DNER: variants seen among roughly 807,000 people sequenced by gnomAD.
DNER encodes delta and Notch-like epidermal growth factor-related receptor.
DNER carries 33 observed loss-of-function variants against 78.2 expected under a neutral mutation model. That is an observed-to-expected ratio of 0.42 (90% CI 0.32 to 0.56). The LOEUF is 0.56. Ranked by LOEUF, DNER falls within the 20% of genes least tolerant of loss-of-function variation. The pLI is 0.11. For synonymous variants in DNER, 417 were observed against 384.8 expected, an observed-to-expected ratio of 1.08 and a Z score of -0.98; for missense variants, 918 against 975.3, an observed-to-expected ratio of 0.94 and a Z score of 0.78.
chr2:229,567,700 C>T (rs992880011), intron 4 of DNER, among the ~76,000 whole-genome samples: 3 of 152,146 alleles, frequency 2.0e-5, no homozygotes, highest in Admixed American at 1.3e-4. Flanking sequence ...ATGAACAATG[C>T]CACCGATCCT....
chr2:229,513,044 A>G, intron 5 of DNER, 108 bp from the exon 6 acceptor site: 1 of 1,214,576 alleles, frequency 8.2e-7, no homozygotes, highest in Non-Finnish European at 1.1e-6. Context: ...ATAATCAGCA[A>G]TTTAATCAAA....
At chr2:229,533,263 T>C (rs933275705) in intron 5 of DNER, among the ~76,000 whole-genome samples, 2 of 152,160 alleles carry the variant, frequency 1.3e-5, no homozygotes, top group Non-Finnish European at 2.9e-5. Flanking sequence ...CTCCGGGGAC[T>C]CCCTGAGATC....
At chr2:229,458,191 T>C (rs923486377) in intron 7 of DNER, among the ~76,000 whole-genome samples, 4 of 133,192 alleles carry the variant, frequency 3.0e-5, no homozygotes, top group Admixed American at 2.2e-4. Flanking sequence ...AAAGATACAT[T>C]GTGAAAAAGA....
chr2:229,381,462 G>C (rs770010476), intron 11 of DNER, among the ~76,000 whole-genome samples: 1 of 152,136 alleles, frequency 6.6e-6, no homozygotes, highest in African/African-American at 2.4e-5. Context: ...GCTGCAACCA[G>C]GGAGCCAAGT....
intron 1 of DNER, among the ~76,000 whole-genome samples, chr2:229,694,848 T>A (rs1174555198): frequency 6.6e-6 from 1 of 152,196 alleles, no homozygotes; most frequent in Non-Finnish European, 1.5e-5. Context: ...GTTAAGATTT[T>A]GGGGGACTGT....
intron 1 of DNER, among the ~76,000 whole-genome samples, chr2:229,702,478 G>T (rs1699761795): frequency 6.6e-6 from 1 of 152,078 alleles, no homozygotes; most frequent in South Asian, 2.1e-4. Flanking sequence ...TAAGGCTGCA[G>T]TAAGCCATGA....
At chr2:229,407,114 T>G (rs1693404649) in intron 10 of DNER, 118 bp downstream of exon 10, 6 of 866,220 alleles carry the variant, frequency 6.9e-6, no homozygotes, top group East Asian at 2.5e-5. Context: ...TCCTTACATT[T>G]TGTAATGGTG....
At chr2:229,633,769 G>C (rs545805846) in intron 1 of DNER, among the ~76,000 whole-genome samples, 1 of 152,254 alleles carries the variant, frequency 6.6e-6, no homozygotes, top group East Asian at 1.9e-4. Context: ...CCTGTTTCCC[G>C]GCACCACTGG....
At chr2:229,555,419 T>G (rs1696838422) in intron 4 of DNER, among the ~76,000 whole-genome samples, 1 of 152,120 alleles carries the variant, frequency 6.6e-6, no homozygotes, top group Non-Finnish European at 1.5e-5. Context: ...TCTGGAATAC[T>G]CCTCCTTCTT....
Position 229,449,438 on chromosome 2 carries a change from T to C in DNER, c.1262-1898A>G, listed in dbSNP as rs188925938. ...AAGGCCCATTTGATTTCCTCGAGCATGACACTAAAAGTCATTCAATATTTT... is the reference window on the plus strand; with the variant it reads ...AAGGCCCATTTGATTTCCTCGAGCACGACACTAAAAGTCATTCAATATTTT... On this transcript the variant is annotated intron_variant, in intron 7 of 12. Coordinates refer to ENST00000341772, the MANE Select transcript of DNER (RefSeq NM_139072.4). 2.7e-3 allele frequency among the ~76,000 whole-genome samples: 407 copies of C among 152,310 alleles called. 2 individuals carry two copies. Among genetic ancestry groups the C allele is most frequent in the African/African-American group, 9.2e-3 (381 of 41,582 alleles).
intron 12 of DNER, among the ~76,000 whole-genome samples, chr2:229,364,462 G>C (rs1359286265): frequency 1.3e-5 from 2 of 152,168 alleles, no homozygotes; most frequent in African/African-American, 4.8e-5. Context: ...GGGCTTGCAA[G>C]GGTTGGTATC....
intron 1 of DNER, among the ~76,000 whole-genome samples, chr2:229,619,150 TAC>T (rs67363480): frequency 0.18 from 26,555 of 149,864 alleles, 2,578 homozygotes; most frequent in Middle Eastern, 0.26. Flanking sequence ...AAAAAATTTA[TAC>T]ACACACACAC....
At chr2:229,371,268 C>T (rs746752139) in intron 11 of DNER, among the ~76,000 whole-genome samples, 3 of 152,232 alleles carry the variant, frequency 2.0e-5, no homozygotes, top group Admixed American at 6.5e-5. Flanking sequence ...TGCCTGCAAC[C>T]ACCATCTCTC....
intron 1 of DNER, among the ~76,000 whole-genome samples, chr2:229,623,830 C>T (rs969424927): frequency 2.0e-5 from 3 of 152,206 alleles, no homozygotes; most frequent in Non-Finnish European, 4.4e-5. Flanking sequence ...ACCCCCAGCT[C>T]CTTCCACCTC....
intron 1 of DNER, among the ~76,000 whole-genome samples, chr2:229,697,180 G>A (rs997085114): frequency 2.0e-5 from 3 of 152,156 alleles, no homozygotes; most frequent in Non-Finnish European, 2.9e-5. Context: ...AAGCAATGAA[G>A]TATGGATAAA....
intron 6 of DNER, among the ~76,000 whole-genome samples, chr2:229,508,019 C>T (rs948276473): frequency 2.0e-5 from 3 of 152,084 alleles, no homozygotes; most frequent in Non-Finnish European, 4.4e-5. Flanking sequence ...AACAAATCAA[C>T]AAGAAGAGTG....
At chr2:229,360,071 G>A (rs1195853887) in intron 12 of DNER, among the ~76,000 whole-genome samples, 1 of 152,228 alleles carries the variant, frequency 6.6e-6, no homozygotes, top group African/African-American at 2.4e-5. Flanking sequence ...TAAATTGAGT[G>A]AGGCCTGCAT....
At chr2:229,381,382 T>C (rs1404257275) in intron 11 of DNER, among the ~76,000 whole-genome samples, 1 of 151,512 alleles carries the variant, frequency 6.6e-6, no homozygotes, top group Non-Finnish European at 1.5e-5. Context: ...GCAGGAGTAC[T>C]TTTTTTTTCC....
chr2:229,482,452 G>T (rs1695180717), intron 6 of DNER, among the ~76,000 whole-genome samples: 1 of 152,202 alleles, frequency 6.6e-6, no homozygotes, highest in African/African-American at 2.4e-5. Context: ...TTACCCAGGG[G>T]CTAAAAGATA....
Sources: allele counts gnomAD v4.1 joint callset (sites outside exome capture counted in the v4.1 genomes callset), GRCh38; gene constraint gnomAD v4.1.1; transcripts MANE v1.5; gene names NCBI Gene and HGNC (gene_info 2026-07-23, HGNC 2026-07-21).